The following LGR4 variants were observed in gnomAD, a reference collection of about 807,000 sequenced individuals.
LGR4 encodes leucine rich repeat containing G protein-coupled receptor 4, also known as leucine-rich repeat-containing G protein-coupled receptor 4.
In LGR4, 44 loss-of-function variants were observed where a neutral mutation model predicts 84.8. The observed-to-expected ratio is 0.52, with a 90% CI of 0.41 to 0.67. The LOEUF (loss-of-function observed/expected upper bound fraction) is 0.67, where lower values mean the gene tolerates loss of function less well. LGR4 is among the 30% of genes least tolerant of loss of function. The probability of loss-of-function intolerance (pLI) is 0.00; values close to 1 mark genes in which losing one functional copy is unlikely to be tolerated. For synonymous variants in LGR4, 429 were observed against 434.3 expected, an observed-to-expected ratio of 0.99 and a Z score of 0.15; for missense variants, 1,032 against 1,131.4, an observed-to-expected ratio of 0.91 and a Z score of 1.26.
intron 1 of LGR4, among the ~76,000 whole-genome samples, chr11:27,427,970 G>A (rs766728619): frequency 2.0e-5 from 3 of 152,074 alleles, no homozygotes; most frequent in African/African-American, 4.8e-5. Flanking sequence ...ATTGTAACCC[G>A]ATGTTTACAA....
In LGR4 at chr11:27,384,485, T is replaced by C. The variant is rs566191146; in HGVS notation, c.618-78A>G. The C allele has an allele frequency of 2.0e-4, 207 of 1,015,832 alleles. 3 individuals are homozygous for C. The South Asian group carries it at 2.6e-3, about 13-fold the overall frequency. 62.9% of individuals were successfully genotyped at this position (1,015,832 alleles called of 1,614,324 possible). A position where few individuals can be genotyped will look rare whatever the true frequency, so the allele number is the denominator to read the frequency against. On this transcript the variant is annotated intron_variant, in intron 5 of 17. Coordinates refer to ENST00000379214, the MANE Select transcript of LGR4 (RefSeq NM_018490.5). Reference sequence around the variant, plus strand: ...TTATCATTGTTTTATATGTCTGAGTTGGTGTGTAAAGGAATGATGTAGCTA... The same window carrying C: ...TTATCATTGTTTTATATGTCTGAGTCGGTGTGTAAAGGAATGATGTAGCTA...
chr11:27,392,422 G>C (rs745334251), intron 3 of LGR4, 25 bp downstream of exon 3: 6 of 1,536,754 alleles, frequency 3.9e-6, no homozygotes, highest in Non-Finnish European at 4.4e-6. Flanking sequence ...AGCCAGCTGT[G>C]AAACTCTAAA....
intron 1 of LGR4, among the ~76,000 whole-genome samples, chr11:27,445,056 G>A (rs1410900309): frequency 6.6e-6 from 1 of 152,176 alleles, no homozygotes; most frequent in East Asian, 1.9e-4. Flanking sequence ...AACTCGGGCA[G>A]CTGCCCTACA....
At chr11:27,370,160 T>A (rs1478680) in intron 17 of LGR4, among the ~76,000 whole-genome samples, 2 of 152,242 alleles carry the variant, frequency 1.3e-5, no homozygotes, top group Non-Finnish European at 2.9e-5. Context: ...TTTATGAACT[T>A]TCATGAAAAT....
intron 1 of LGR4, among the ~76,000 whole-genome samples, chr11:27,443,254 T>C (rs931404796): frequency 3.3e-5 from 5 of 152,206 alleles, no homozygotes; most frequent in African/African-American, 1.2e-4. Flanking sequence ...AGCTGAACCA[T>C]GTGCCCCTCT....
At chr11:27,393,039 G>C (rs902072402) in intron 2 of LGR4, among the ~76,000 whole-genome samples, 2 of 152,116 alleles carry the variant, frequency 1.3e-5, no homozygotes, top group Non-Finnish European at 2.9e-5. Context: ...CCAAACAATG[G>C]CCTATATATT....
intron 2 of LGR4, among the ~76,000 whole-genome samples, chr11:27,402,512 C>T (rs1197753146): frequency 6.6e-6 from 1 of 152,146 alleles, no homozygotes; most frequent in African/African-American, 2.4e-5. Flanking sequence ...TAATATACTT[C>T]CTTACTGTTT....
At chr11:27,404,373 A>C (rs1293930923) in intron 2 of LGR4, among the ~76,000 whole-genome samples, 1 of 152,218 alleles carries the variant, frequency 6.6e-6, no homozygotes, top group Non-Finnish European at 1.5e-5. Flanking sequence ...CTATGGGACA[A>C]AATTAAAGAT....
chr11:27,416,533 C>A (rs1330774906), intron 1 of LGR4, among the ~76,000 whole-genome samples: 1 of 152,098 alleles, frequency 6.6e-6, no homozygotes, highest in Non-Finnish European at 1.5e-5. Context: ...AAGGAGACAC[C>A]ACACTGCCTT....
intron 2 of LGR4, among the ~76,000 whole-genome samples, chr11:27,393,689 C>T (rs1044578612): frequency 6.6e-6 from 1 of 152,008 alleles, no homozygotes; most frequent in Non-Finnish European, 1.5e-5. Context: ...TGAGTACCTA[C>T]TAAGTGCCAG....
chr11:27,388,943 G>C (rs1334489303), intron 4 of LGR4, among the ~76,000 whole-genome samples: 1 of 152,042 alleles, frequency 6.6e-6, no homozygotes, highest in Non-Finnish European at 1.5e-5. Flanking sequence ...AACTTTATGG[G>C]AGGCAATTAT....
chr11:27,448,780 A>C (rs939616234), intron 1 of LGR4, among the ~76,000 whole-genome samples: 2 of 152,198 alleles, frequency 1.3e-5, no homozygotes, highest in Non-Finnish European at 2.9e-5. Context: ...TCTAGAAGAG[A>C]GTAATGAGAC....
In LGR4 at chr11:27,368,261, T is replaced by C; in HGVS notation, c.2462A>G (p.Lys821Arg). 6.2e-7 allele frequency: 1 copy of C among 1,614,230 alleles called. No individual in the cohort carries two copies. Among genetic ancestry groups the C allele is most frequent in the Non-Finnish European group, 8.5e-7 (1 of 1,180,030 alleles). ...DWKLLKRRVTKKSGSVSVSIS... is the reference protein window; with the variant it reads ...DWKLLKRRVTRKSGSVSVSIS... ...GGAAACTGAAACTGATCCACTTTTC[T>C]TGGTAACACGTCGCTTCAGTAACTT... is the stretch of plus-strand genomic sequence containing the variant. Residue 821 changes from lysine (K) to arginine (R), a missense_variant, in exon 18 of 18, where the codon AAG becomes AGG. Lys to Arg is a conservative substitution (Grantham distance 26). Coordinates refer to ENST00000379214, the MANE Select transcript of LGR4 (RefSeq NM_018490.5).
rs184140741 is a variant in LGR4 at position 27,397,332 on chromosome 11, G to A, written c.258-4814C>T. On this transcript the variant is annotated intron_variant, in intron 2 of 17. Transcript: ENST00000379214. ...CTTAGACAAAGCTATCCCATTGGGT[G>A]CATCTTATTCTGCCTTTAGTTCCTT... is the stretch of plus-strand genomic sequence containing the variant. Among the ~76,000 whole-genome samples the A allele has an allele frequency of 1.2e-4, 19 of 152,250 alleles. No homozygotes were observed. The East Asian group carries it at 3.7e-3, about 29-fold the overall frequency.
At chr11:27,450,663 C>T (rs1463656218) in intron 1 of LGR4, among the ~76,000 whole-genome samples, 1 of 152,128 alleles carries the variant, frequency 6.6e-6, no homozygotes, top group African/African-American at 2.4e-5. Context: ...TGGCACACAC[C>T]TGTAATCCCA....
intron 2 of LGR4, among the ~76,000 whole-genome samples, chr11:27,402,406 A>T (rs1482018147): frequency 8.1e-6 from 1 of 123,148 alleles, no homozygotes; most frequent in Non-Finnish European, 1.6e-5. Context: ...GGAAGAGCAC[A>T]CTAGAAAGTA....
intron 2 of LGR4, among the ~76,000 whole-genome samples, chr11:27,395,142 A>G (rs1418931052): frequency 6.6e-6 from 1 of 152,184 alleles, no homozygotes; most frequent in South Asian, 2.1e-4. Context: ...CATAAAAGCC[A>G]TAAGAGGCAG....
At chr11:27,457,854 A>C (rs1864603052) in intron 1 of LGR4, among the ~76,000 whole-genome samples, 1 of 152,180 alleles carries the variant, frequency 6.6e-6, no homozygotes, top group Non-Finnish European at 1.5e-5. Flanking sequence ...CTGGCCAGGC[A>C]CAGTGGCTCA....
At chr11:27,371,467 G>A in intron 17 of LGR4, 148 bp downstream of exon 17, 2 of 517,650 alleles carry the variant, frequency 3.9e-6, no homozygotes, top group Middle Eastern at 4.1e-4. Context: ...GCTGCTGGCT[G>A]GTACGCAAAG....
Sources: gnomAD v4.1 joint callset for allele counts (sites outside exome capture counted in the v4.1 genomes callset) on GRCh38, gnomAD v4.1.1 for gene constraint, MANE v1.5 for transcripts, NCBI Gene and HGNC (gene_info 2026-07-23, HGNC 2026-07-21) for gene names.